IGFL2: variants seen among roughly 807,000 people sequenced by gnomAD.
The protein encoded by IGFL2 is IGF like family member 2, also known as insulin growth factor-like family member 2.
In IGFL2, 7 loss-of-function variants were observed where a neutral mutation model predicts 13.9. That is an observed-to-expected ratio of 0.51 (90% CI 0.29 to 0.95). The LOEUF (loss-of-function observed/expected upper bound fraction) is 0.95, where lower values mean the gene tolerates loss of function less well. Among genes scored for constraint, IGFL2 ranks in the 40% least tolerant of loss-of-function variants. The probability of loss-of-function intolerance (pLI) is 0.08; values close to 1 mark genes in which losing one functional copy is unlikely to be tolerated. For missense variants in IGFL2, 138 were observed against 147.8 expected (o/e 0.93, Z 0.34); for synonymous variants, 55 against 55.8 (o/e 0.99, Z 0.07).
the IGFL2 span, among the ~76,000 whole-genome samples, chr19:46,126,859 C>T: frequency 6.6e-6 from 1 of 152,122 alleles, no homozygotes; most frequent in African/African-American, 2.4e-5. Context: ...TGTCACTCTG[C>T]TTGTCTGATA....
At chr19:46,080,565 T>C in the IGFL2 span, among the ~76,000 whole-genome samples, 3 of 152,360 alleles carry the variant, frequency 2.0e-5, no homozygotes, top group Admixed American at 6.5e-5. Flanking sequence ...AGTCTTTGTA[T>C]CTGTGTAAAT....
At chr19:46,160,096 A>C (rs533990099) in intron 1 of IGFL2, 8 of 381,490 alleles carry the variant, frequency 2.1e-5, no homozygotes, top group Non-Finnish European at 3.9e-5. Flanking sequence ...TATCACCTTA[A>C]TCTTAACCAT....
At chr19:46,107,680 A>C in the IGFL2 span, among the ~76,000 whole-genome samples, 1 of 152,094 alleles carries the variant, frequency 6.6e-6, no homozygotes, top group Non-Finnish European at 1.5e-5. Flanking sequence ...ATTATTGTAC[A>C]CCTTGAAGGC....
chr19:46,094,523 T>C, the IGFL2 span, among the ~76,000 whole-genome samples: 1 of 152,118 alleles, frequency 6.6e-6, no homozygotes, highest in East Asian at 1.9e-4. Context: ...TGTGTGTTTT[T>C]AAATTTTATT....
At chr19:46,179,119 G>C in the IGFL2 span, among the ~76,000 whole-genome samples, 551 of 151,892 alleles carry the variant, frequency 3.6e-3, 3 homozygotes, top group African/African-American at 0.013. Context: ...TGGGGTGGGG[G>C]GTCTGTGAGA....
At chr19:46,105,052 G>A in the IGFL2 span, among the ~76,000 whole-genome samples, 10 of 152,198 alleles carry the variant, frequency 6.6e-5, no homozygotes, top group South Asian at 2.1e-4. Flanking sequence ...CAGCATAAGC[G>A]TTGCCCTAAG....
intron 1 of IGFL2, among the ~76,000 whole-genome samples, chr19:46,153,839 A>ATATT (rs1198396702): frequency 6.4e-4 from 89 of 139,352 alleles, no homozygotes; most frequent in South Asian, 2.0e-3. Flanking sequence ...ATATATATAT[A>ATATT]TTTTTTTTAC....
the IGFL2 span, among the ~76,000 whole-genome samples, chr19:46,104,565 A>G: frequency 2.6e-5 from 4 of 152,284 alleles, no homozygotes; most frequent in Admixed American, 6.5e-5. Flanking sequence ...AAAGGCCTCT[A>G]TCCATCCAGT....
the IGFL2 span, among the ~76,000 whole-genome samples, chr19:46,087,680 G>A: frequency 6.6e-6 from 1 of 152,274 alleles, no homozygotes; most frequent in East Asian, 1.9e-4. Flanking sequence ...CAACCCTGCA[G>A]TAGCCTGCAA....
chr19:46,139,606 A>C (rs1471469333), upstream of IGFL2, among the ~76,000 whole-genome samples: 15 of 152,178 alleles, frequency 9.9e-5, no homozygotes, highest in Admixed American at 9.8e-4. Context: ...CACAGGGATC[A>C]ATCCAAATGG....
chr19:46,151,151 CA>C (rs761567859), intron 1 of IGFL2, among the ~76,000 whole-genome samples: 4 of 152,154 alleles, frequency 2.6e-5, no homozygotes, highest in Non-Finnish European at 4.4e-5. Flanking sequence ...ATTCTACATA[CA>C]AGTGAGATGG....
the IGFL2 span, among the ~76,000 whole-genome samples, chr19:46,168,940 A>G: frequency 0.46 from 63,984 of 139,836 alleles, 15,100 homozygotes; most frequent in Middle Eastern, 0.57. Flanking sequence ...GTGTGTGTGT[A>G]TGTGTATGTG....
the IGFL2 span, among the ~76,000 whole-genome samples, chr19:46,118,553 G>A: frequency 6.6e-6 from 1 of 152,170 alleles, no homozygotes; most frequent in Non-Finnish European, 1.5e-5. Context: ...GACATATGAA[G>A]CTGCCCAAAG....
At chr19:46,160,383 C>G in intron 1 of IGFL2, 32 bp from the exon 2 acceptor site, 1 of 1,600,160 alleles carries the variant, frequency 6.2e-7, no homozygotes, top group Non-Finnish European at 8.5e-7. Flanking sequence ...CACTTCCAGC[C>G]CCATCCTTAA....
chr19:46,133,694 T>C, the IGFL2 span, among the ~76,000 whole-genome samples: 1 of 152,202 alleles, frequency 6.6e-6, no homozygotes, highest in Non-Finnish European at 1.5e-5. Context: ...CACAGGTCTT[T>C]GAGTAAATTT....
upstream of IGFL2, among the ~76,000 whole-genome samples, chr19:46,144,483 TATC>T (rs1973015703): frequency 6.6e-6 from 1 of 152,202 alleles, no homozygotes; most frequent in African/African-American, 2.4e-5. Context: ...CCATATCTCA[TATC>T]ATATCATATC....
upstream of IGFL2, among the ~76,000 whole-genome samples, chr19:46,145,684 T>C (rs1973101071): frequency 6.6e-6 from 1 of 151,826 alleles, no homozygotes; most frequent in South Asian, 2.1e-4. Context: ...TTGCCAATTC[T>C]AGTAGATGGG....
chr19:46,133,347 G>C, the IGFL2 span, among the ~76,000 whole-genome samples: 2 of 152,198 alleles, frequency 1.3e-5, no homozygotes, highest in Non-Finnish European at 2.9e-5. Flanking sequence ...AGGAGACAGG[G>C]TCATTTATAA....
chr19:46,152,311 C>G (rs1283549065), intron 1 of IGFL2, among the ~76,000 whole-genome samples: 1 of 146,912 alleles, frequency 6.8e-6, no homozygotes, highest in African/African-American at 2.5e-5. Flanking sequence ...GAATCTCACT[C>G]TATCATGCAG....
Sources: allele counts gnomAD v4.1 joint callset (sites outside exome capture counted in the v4.1 genomes callset), GRCh38; gene constraint gnomAD v4.1.1; transcripts MANE v1.5; gene names NCBI Gene and HGNC (gene_info 2026-07-23, HGNC 2026-07-21).